EIPR1: variants seen among roughly 807,000 people sequenced by gnomAD.
EIPR1 encodes the protein EARP and GARP complex-interacting protein 1.
In EIPR1, 25 loss-of-function variants were observed where a neutral mutation model predicts 48.1. The observed-to-expected ratio is 0.52, with a 90% confidence interval of 0.38 to 0.73. The LOEUF is 0.73. Among genes scored for constraint, EIPR1 ranks in the 30% least tolerant of loss-of-function variants. The probability of loss-of-function intolerance (pLI) is 0.00; values close to 1 mark genes in which losing one functional copy is unlikely to be tolerated. For missense variants in EIPR1, 415 were observed against 506.2 expected (o/e 0.82, Z 1.73); for synonymous variants, 204 against 201.9 (o/e 1.01, Z -0.09).
rs554350697 is a variant in EIPR1 at position 3,309,004 on chromosome 2, C to T, written c.259+29013G>A. On this transcript the variant is annotated intron_variant, in intron 3 of 8. Transcript: ENST00000382125. ...GGATGGATAAAGAAAATTTTTCAAA[C>T]GGAAAGAAATTATAATGAAAAAAGG... Among the ~76,000 whole-genome samples the T allele has an allele frequency of 4.6e-5, 7 of 152,046 alleles. No individual in the cohort carries two copies. The East Asian group carries it at 5.8e-4, about 13-fold the overall frequency.
At chr2:3,349,069 T>C (rs1670490722) in intron 2 of EIPR1, among the ~76,000 whole-genome samples, 1 of 152,222 alleles carries the variant, frequency 6.6e-6, no homozygotes, top group South Asian at 2.1e-4. Flanking sequence ...GGGTGCACCC[T>C]TTCCACGTGT....
chr2:3,307,222 A>G (rs76297404), intron 3 of EIPR1, among the ~76,000 whole-genome samples: 4,451 of 152,260 alleles, frequency 0.029, 85 homozygotes, highest in Non-Finnish European at 0.045. Flanking sequence ...TCAGCCTCCC[A>G]AAGTGCTGGG....
chr2:3,301,810 A>T (rs1668768552), intron 3 of EIPR1, among the ~76,000 whole-genome samples: 1 of 152,228 alleles, frequency 6.6e-6, no homozygotes. Flanking sequence ...ACTCAAACCC[A>T]CCATTTAAAA....
intron 3 of EIPR1, among the ~76,000 whole-genome samples, chr2:3,335,500 G>C (rs1000538456): frequency 6.6e-6 from 1 of 152,144 alleles, no homozygotes; most frequent in Non-Finnish European, 1.5e-5. Context: ...CAAGGGTGGA[G>C]GAGAGGGCAA....
intron 4 of EIPR1, among the ~76,000 whole-genome samples, chr2:3,245,399 G>C (rs765423598): frequency 6.6e-6 from 1 of 152,108 alleles, no homozygotes; most frequent in African/African-American, 2.4e-5. Context: ...TTTTAGTAGG[G>C]ACAGGATTTT....
intron 4 of EIPR1, among the ~76,000 whole-genome samples, chr2:3,237,627 G>T (rs566236668): frequency 6.6e-6 from 1 of 152,266 alleles, no homozygotes; most frequent in South Asian, 2.1e-4. Flanking sequence ...CACATGGAAC[G>T]CGCTAAGAGG....
At chr2:3,280,391 G>A (rs567387661) in intron 3 of EIPR1, among the ~76,000 whole-genome samples, 1 of 152,294 alleles carries the variant, frequency 6.6e-6, no homozygotes, top group South Asian at 2.1e-4. Flanking sequence ...GCCTCGAGGC[G>A]GCATCTCAGG....
At chr2:3,275,541 T>G (rs1428429134) in intron 3 of EIPR1, among the ~76,000 whole-genome samples, 1 of 152,072 alleles carries the variant, frequency 6.6e-6, no homozygotes, top group Non-Finnish European at 1.5e-5. Flanking sequence ...AAATGCAACA[T>G]AAAAATTAAT....
intron 1 of EIPR1, among the ~76,000 whole-genome samples, chr2:3,357,192 C>T (rs1485910585): frequency 1.3e-5 from 2 of 152,178 alleles, no homozygotes; most frequent in South Asian, 2.1e-4. Context: ...AGCAGCTGCT[C>T]GGCCCAATCC....
chr2:3,225,694 TAC>T (rs1160475526), intron 4 of EIPR1, among the ~76,000 whole-genome samples: 1 of 152,136 alleles, frequency 6.6e-6, no homozygotes, highest in Admixed American at 6.5e-5. Flanking sequence ...AAGTACACAA[TAC>T]ACTATTATTA....
At chr2:3,357,676 A>T (rs1670761257) in intron 1 of EIPR1, among the ~76,000 whole-genome samples, 2 of 152,216 alleles carry the variant, frequency 1.3e-5, no homozygotes, top group Admixed American at 6.5e-5. Context: ...TTATTTGTTT[A>T]TAAATTTGTC....
chr2:3,194,236 C>T (rs1664716346), intron 6 of EIPR1, 70 bp from the exon 7 acceptor site: 1 of 1,571,666 alleles, frequency 6.4e-7, no homozygotes, highest in Non-Finnish European at 8.7e-7. Context: ...GTGCTGCGGG[C>T]ACACACTGGT....
chr2:3,218,962 G>C (rs111436082), intron 4 of EIPR1, among the ~76,000 whole-genome samples: 116 of 77,574 alleles, frequency 1.5e-3, no homozygotes, highest in East Asian at 2.2e-3. Context: ...ACACCCAGCA[G>C]GGCCCTGGTA....
At chr2:3,295,395 T>C (rs183199503) in intron 3 of EIPR1, among the ~76,000 whole-genome samples, 8 of 120,946 alleles carry the variant, frequency 6.6e-5, no homozygotes, top group Non-Finnish European at 1.2e-4. Context: ...GGCTATCCTC[T>C]CTACACACAC....
chr2:3,246,721 T>C (rs1004471623), intron 4 of EIPR1, among the ~76,000 whole-genome samples: 32 of 145,104 alleles, frequency 2.2e-4, no homozygotes, highest in Non-Finnish European at 6.0e-5. Flanking sequence ...GCCTCCTCCC[T>C]GCCGGGGTGG....
chr2:3,280,315 C>G (rs6716008), intron 3 of EIPR1, among the ~76,000 whole-genome samples: 87,697 of 152,086 alleles, frequency 0.58, 25,691 homozygotes, highest in East Asian at 0.75. Context: ...CGCTCCCTCA[C>G]GCACACAGAG....
chr2:3,328,034 T>C (rs1669752003), intron 3 of EIPR1, among the ~76,000 whole-genome samples: 2 of 152,044 alleles, frequency 1.3e-5, no homozygotes, highest in Non-Finnish European at 2.9e-5. Context: ...GAGCTCCCGA[T>C]GTGTAGACAA....
At chr2:3,216,619 C>A (rs1473664385) in intron 4 of EIPR1, among the ~76,000 whole-genome samples, 1 of 152,196 alleles carries the variant, frequency 6.6e-6, no homozygotes, top group Admixed American at 6.5e-5. Flanking sequence ...TAATAATGCA[C>A]AAACACTAAT....
intron 3 of EIPR1, among the ~76,000 whole-genome samples, chr2:3,335,294 G>A (rs1670010230): frequency 6.6e-6 from 1 of 152,252 alleles, no homozygotes; most frequent in African/African-American, 2.4e-5. Flanking sequence ...AGTAACAACT[G>A]CCTGAAATGC....
Sources: gnomAD v4.1 joint callset for allele counts (sites outside exome capture counted in the v4.1 genomes callset) on GRCh38, gnomAD v4.1.1 for gene constraint, MANE v1.5 for transcripts, NCBI Gene and HGNC (gene_info 2026-07-23, HGNC 2026-07-21) for gene names.